Variants in CHAT observed in about 807,000 individuals in gnomAD.
CHAT encodes acetyl CoA:choline O-acetyltransferase.
In CHAT, 61 loss-of-function variants were observed where a neutral mutation model predicts 76.9. The observed-to-expected ratio is 0.79, with a 90% CI of 0.65 to 0.98. The LOEUF (loss-of-function observed/expected upper bound fraction) is 0.98. Ranked by LOEUF, CHAT falls within the 50% of genes least tolerant of loss-of-function variation. CHAT has a pLI of 0.00. For synonymous variants in CHAT, 407 were observed against 397.4 expected (o/e 1.02, Z -0.29); for missense variants, 946 against 986.9 (o/e 0.96, Z 0.56).
intron 5 of CHAT, among the ~76,000 whole-genome samples, chr10:49,623,246 A>T (rs1838794408): frequency 6.6e-6 from 1 of 151,862 alleles, no homozygotes; most frequent in African/African-American, 2.4e-5. Flanking sequence ...GGGCCTGGGG[A>T]CTTGGTGCCC....
chr10:49,628,293 C>G (rs2132737806), intron 7 of CHAT, among the ~76,000 whole-genome samples: 1 of 152,228 alleles, frequency 6.6e-6, no homozygotes, highest in African/African-American at 2.4e-5. Flanking sequence ...ATAAGAAAGC[C>G]AGGAATATTC....
intron 7 of CHAT, among the ~76,000 whole-genome samples, chr10:49,643,531 AG>A (rs1839556991): frequency 6.6e-6 from 1 of 152,194 alleles, no homozygotes; most frequent in Admixed American, 6.5e-5. Context: ...CACATAGTGC[AG>A]GGCGAGCACT....
Position 49,646,540 on chromosome 10 carries a change from C to A in CHAT, c.1147C>A (p.Arg383Ser). 6.2e-7 allele frequency: 1 copy of A among 1,614,230 alleles called. No homozygotes were observed. Among genetic ancestry groups the A allele is most frequent in the East Asian group, 2.2e-5 (1 of 44,888 alleles). Residue 383 changes from arginine (R) to serine (S), a missense_variant, in exon 8 of 15, where the codon CGC becomes AGC. By Grantham distance (110) the Arg-to-Ser change is moderately radical. This residue lies in a region of CHAT where 548 missense variants were observed against 516.2 expected (regional missense o/e 1.06). Transcript: ENST00000337653. ...CCGGGACTCGCTGGACATGATTGAGCGCTGCATCTGCCTTGTATGCCTGGA... is the reference window on the plus strand; with the variant it reads ...CCGGGACTCGCTGGACATGATTGAGAGCTGCATCTGCCTTGTATGCCTGGA... The part of the protein sequence containing the change: ...TNRDSLDMIE[R>S]CICLVCLDAP...
upstream of CHAT, chr10:49,611,724 C>T (rs536025017): frequency 1.9e-6 from 3 of 1,606,660 alleles, no homozygotes; most frequent in Admixed American, 1.7e-5. Context: ...GGGAGATGGG[C>T]ATGGCCTGGC....
intron 7 of CHAT, among the ~76,000 whole-genome samples, chr10:49,643,911 G>A (rs1404898168): frequency 6.6e-6 from 1 of 152,210 alleles, no homozygotes; most frequent in East Asian, 1.9e-4. Context: ...CCAGACCAGG[G>A]GTCCAGGGGC....
chr10:49,614,019 G>A (rs1838375479), upstream of CHAT: 2 of 1,227,460 alleles, frequency 1.6e-6, no homozygotes, highest in African/African-American at 1.5e-5. Context: ...ATGGGGTTGG[G>A]GAAGTGCGGT....
intron 5 of CHAT, among the ~76,000 whole-genome samples, chr10:49,622,499 G>A (rs1838766674): frequency 6.6e-6 from 1 of 152,238 alleles, no homozygotes; most frequent in Non-Finnish European, 1.5e-5. Context: ...TGGGAGTTCT[G>A]CTTTGCCACT....
intron 8 of CHAT, chr10:49,647,783 CCTTCCTTCCTTCCTTCCTTCCTTCCTTT>C (rs1379524391): frequency 1.4e-3 from 126 of 88,402 alleles, no homozygotes; most frequent in African/African-American, 3.7e-3. Context: ...TTCCTTCCTT[CCTTCCTTCCTTCCTTCCTTCCTTCCTTT>C]TAGTGACAGG....
intron 7 of CHAT, among the ~76,000 whole-genome samples, chr10:49,633,257 A>C (rs1334820801): frequency 2.0e-5 from 3 of 152,148 alleles, no homozygotes; most frequent in Non-Finnish European, 2.9e-5. Flanking sequence ...GGGGCCAAGG[A>C]ATCTATTTTT....
Position 49,662,631 on chromosome 10 carries a change from C to A in CHAT, c.1840-14C>A, listed in dbSNP as rs916103213. On this transcript the variant is annotated splice_polypyrimidine_tract_variant and intron_variant, in intron 13 of 14. Coordinates refer to ENST00000337653, the MANE Select transcript of CHAT (RefSeq NM_020549.5). ...CCACTTCTCATCTCCTGTTCTTTGT[C>A]CCCAACTACACAGGCCATAACAGGG... is the stretch of plus-strand genomic sequence containing the variant. 1 of 1,613,848 alleles carries A rather than the reference C, an allele frequency of 6.2e-7. No homozygotes were observed. The highest frequency in any genetic ancestry group is 1.7e-5 in the Admixed American group (1 of 60,008).
chr10:49,661,052 A>C (rs556462338), intron 13 of CHAT, among the ~76,000 whole-genome samples: 1 of 152,140 alleles, frequency 6.6e-6, no homozygotes, highest in South Asian at 2.1e-4. Context: ...CCCCCACTAC[A>C]CCATAAGCTC....
intron 13 of CHAT, among the ~76,000 whole-genome samples, chr10:49,657,246 G>A (rs1478179821): frequency 1.3e-5 from 2 of 152,162 alleles, no homozygotes; most frequent in African/African-American, 2.4e-5. Flanking sequence ...ATTCTCCTGA[G>A]GGGACAAGTG....
At chr10:49,627,204 G>T (rs1324515796) in intron 6 of CHAT, among the ~76,000 whole-genome samples, 1 of 152,196 alleles carries the variant, frequency 6.6e-6, no homozygotes, top group Non-Finnish European at 1.5e-5. Flanking sequence ...GTGTCTTCCG[G>T]TACACACGGG....
intron 7 of CHAT, among the ~76,000 whole-genome samples, chr10:49,630,613 G>C (rs1839084734): frequency 6.6e-6 from 1 of 152,200 alleles, no homozygotes; most frequent in Non-Finnish European, 1.5e-5. Flanking sequence ...TGAGGGAGTT[G>C]CTAAAAGAGG....
At chr10:49,658,803 A>G (rs1840107586) in intron 13 of CHAT, among the ~76,000 whole-genome samples, 1 of 152,238 alleles carries the variant, frequency 6.6e-6, no homozygotes, top group South Asian at 2.1e-4. Flanking sequence ...TTGAAAAATA[A>G]AAGGAGTTAT....
intron 7 of CHAT, among the ~76,000 whole-genome samples, chr10:49,631,148 A>G (rs991898256): frequency 6.6e-6 from 1 of 152,190 alleles, no homozygotes; most frequent in Non-Finnish European, 1.5e-5. Flanking sequence ...TCATGCTGGA[A>G]TCTGAGCTGA....
chr10:49,625,443 G>T (rs1454178776), intron 5 of CHAT, 30 bp from the exon 6 acceptor site: 32 of 1,608,526 alleles, frequency 2.0e-5, no homozygotes, highest in African/African-American at 2.7e-5. Flanking sequence ...TCCCCTCGTG[G>T]CTGCCTCCCT....
In CHAT at chr10:49,655,111, G is replaced by C. The variant is rs1564493573; in HGVS notation, c.1651G>C (p.Val551Leu). 3 of 1,614,096 alleles carry C rather than the reference G, an allele frequency of 1.9e-6. No homozygotes were observed. Among genetic ancestry groups the C allele is most frequent in the Non-Finnish European group, 2.5e-6 (3 of 1,180,016 alleles). The change falls in exon 12 of 15, where the codon GTG becomes CTG. Residue 551 changes from valine (V) to leucine (L), a missense_variant. Val to Leu is a conservative substitution (Grantham distance 32). This residue lies in a region of CHAT where 349 missense variants were observed against 393.9 expected (regional missense o/e 0.89). Transcript: ENST00000337653. ...CCCACGCAGGCTCCATCGAAGACTG[G>C]TGCCCACCTACGAGAGCGCGTCCAT... ...LAFYRLHRRLVPTYESASIRR... is the reference protein window; with the variant it reads ...LAFYRLHRRLLPTYESASIRR...
rs113959465 is a variant in CHAT at position 49,627,452 on chromosome 10, C to T, written c.934-156C>T. Among the ~76,000 whole-genome samples the T allele has an allele frequency of 2.9e-3, 440 of 152,306 alleles. 2 individuals are homozygous for T. Among genetic ancestry groups the T allele is most frequent in the African/African-American group, 9.1e-3 (379 of 41,566 alleles). Reference sequence around the variant, plus strand: ...CGTGGAATCCAGCACAGTCAACAGCCTTGGCTTGGTCCCTAAACTGAGACT... The same window carrying T: ...CGTGGAATCCAGCACAGTCAACAGCTTTGGCTTGGTCCCTAAACTGAGACT... On this transcript the variant is annotated intron_variant, in intron 6 of 14. Transcript: ENST00000337653.
Sources: gnomAD v4.1 joint callset for allele counts (sites outside exome capture counted in the v4.1 genomes callset) on GRCh38, gnomAD v4.1.1 for gene constraint, gnomAD v4.1.1 regional missense constraint, MANE v1.5 for transcripts, NCBI Gene and HGNC (gene_info 2026-07-23, HGNC 2026-07-21) for gene names.